The following FBN1 variants were observed in gnomAD, a reference collection of about 807,000 sequenced individuals.
FBN1 encodes the protein fibrillin-1.
In FBN1, 29 loss-of-function variants were observed where a neutral mutation model predicts 365.1. The observed-to-expected ratio is 0.08, with a 90% CI of 0.06 to 0.11. FBN1 has a LOEUF of 0.11. Among genes scored for constraint, FBN1 ranks in the 10% least tolerant of loss-of-function variants. The pLI, the probability that FBN1 is intolerant of heterozygous loss-of-function variation, is 1.00. For missense variants in FBN1, 2,476 were observed against 3,703.2 expected (o/e 0.67, Z 8.60); for synonymous variants, 1,210 against 1,270.5 (o/e 0.95, Z 1.01).
At chr15:48,614,105 A>T (rs374667244) in intron 2 of FBN1, among the ~76,000 whole-genome samples, 2 of 152,196 alleles carry the variant, frequency 1.3e-5, no homozygotes, top group Non-Finnish European at 2.9e-5. Flanking sequence ...TAAGGATCCA[A>T]TGACTTCTAC....
At chr15:48,462,279 T>G (rs548491529) in intron 42 of FBN1, among the ~76,000 whole-genome samples, 18 of 152,298 alleles carry the variant, frequency 1.2e-4, no homozygotes, top group African/African-American at 4.1e-4. Context: ...ATATACATAA[T>G]GCACAGCATA....
intron 52 of FBN1, 49 bp downstream of exon 52, chr15:48,437,273 C>T: frequency 6.6e-7 from 1 of 1,517,774 alleles, no homozygotes; most frequent in South Asian, 1.1e-5. Context: ...AGAGAAGAAG[C>T]AGATTGAGAA....
chr15:48,524,635 T>C (rs977614038), intron 9 of FBN1, among the ~76,000 whole-genome samples: 1 of 151,848 alleles, frequency 6.6e-6, no homozygotes, highest in Non-Finnish European at 1.5e-5. Flanking sequence ...GCATCCAGAG[T>C]TGAGGGGTAG....
chr15:48,604,631 C>T (rs977127671), intron 4 of FBN1, among the ~76,000 whole-genome samples: 7 of 152,284 alleles, frequency 4.6e-5, no homozygotes, highest in Admixed American at 2.0e-4. Flanking sequence ...AAGGTGCTTC[C>T]ATAAAGGGTG....
intron 36 of FBN1, 41 bp from the exon 37 acceptor site, chr15:48,468,575 A>G (rs1284875082): frequency 1.1e-5 from 18 of 1,612,354 alleles, no homozygotes; most frequent in Non-Finnish European, 1.5e-5. Context: ...CACCTGAGCC[A>G]GTGTAGGCAG....
At chr15:48,607,990 C>A (rs2044627361) in intron 4 of FBN1, among the ~76,000 whole-genome samples, 1 of 152,228 alleles carries the variant, frequency 6.6e-6, no homozygotes, top group South Asian at 2.1e-4. Context: ...TCTAGCCAAT[C>A]ATTCTTTTTG....
chr15:48,422,871 G>A (rs2042953851), intron 60 of FBN1, among the ~76,000 whole-genome samples: 1 of 152,036 alleles, frequency 6.6e-6, no homozygotes, highest in South Asian at 2.1e-4. Flanking sequence ...AGGTTGCAGT[G>A]AGCTGAGATC....
At chr15:48,445,184 GTA>G (rs979420871) in intron 48 of FBN1, among the ~76,000 whole-genome samples, 190 bp downstream of exon 48, 2 of 132,312 alleles carry the variant, frequency 1.5e-5, no homozygotes, top group African/African-American at 5.6e-5. Context: ...ATATATATAT[GTA>G]TATATATATA....
intron 2 of FBN1, among the ~76,000 whole-genome samples, chr15:48,623,931 A>C (rs1469049505): frequency 6.7e-6 from 1 of 150,084 alleles, no homozygotes; most frequent in Non-Finnish European, 1.5e-5. Flanking sequence ...CCCAACACAC[A>C]CATTCTCTCT....
At chr15:48,531,457 C>T (rs1372879022) in intron 8 of FBN1, among the ~76,000 whole-genome samples, 1 of 152,140 alleles carries the variant, frequency 6.6e-6, no homozygotes, top group South Asian at 2.1e-4. Context: ...ATGAAAAGTA[C>T]TCAATTCCTT....
chr15:48,561,156 C>T (rs2044219770), intron 6 of FBN1, among the ~76,000 whole-genome samples: 1 of 152,102 alleles, frequency 6.6e-6, no homozygotes, highest in Non-Finnish European at 1.5e-5. Context: ...AGTGCTAAAA[C>T]AAAATGACTT....
At chr15:48,608,665 C>G (rs1401329197) in intron 4 of FBN1, among the ~76,000 whole-genome samples, 1 of 152,182 alleles carries the variant, frequency 6.6e-6, no homozygotes, top group East Asian at 1.9e-4. Context: ...CATCCACAAG[C>G]TACTTGGGGA....
At chr15:48,413,577 T>G (rs2042880520) in intron 64 of FBN1, among the ~76,000 whole-genome samples, 1 of 152,232 alleles carries the variant, frequency 6.6e-6, no homozygotes, top group African/African-American at 2.4e-5. Flanking sequence ...CAGAGGCCAC[T>G]TGGAATGTGT....
chr15:48,556,389 G>T (rs2044180869), intron 6 of FBN1, among the ~76,000 whole-genome samples: 1 of 152,180 alleles, frequency 6.6e-6, no homozygotes, highest in African/African-American at 2.4e-5. Flanking sequence ...GAGCTCGAAA[G>T]CATTCATAAG....
chr15:48,565,005 C>T (rs1319418949), intron 6 of FBN1, among the ~76,000 whole-genome samples: 1 of 152,204 alleles, frequency 6.6e-6, no homozygotes, highest in Non-Finnish European at 1.5e-5. Flanking sequence ...AATCTCAATT[C>T]ATCCTCTTTA....
rs765173237 is a variant in FBN1 at position 48,537,726 on chromosome 15, C to A, written c.621G>T (p.Thr207=). 1.2e-6 allele frequency: 2 copies of A among 1,614,206 alleles called. No homozygotes were observed. Among genetic ancestry groups the A allele is most frequent in the Admixed American group, 1.7e-5 (1 of 60,024 alleles). Residue 207 remains threonine (T), a synonymous_variant, in exon 7 of 66, where the codon ACG becomes ACT. Coordinates refer to ENST00000316623, the MANE Select transcript of FBN1 (RefSeq NM_000138.5). ...GQLSGIVCTK[T]LCCATVGRAW... ...CTCGGCCGACTGTGGCACAGCAGAGCGTTTTTGTGCAGACAATCCCGCTGA... is the reference window on the plus strand; with the variant it reads ...CTCGGCCGACTGTGGCACAGCAGAGAGTTTTTGTGCAGACAATCCCGCTGA...
intron 29 of FBN1, among the ~76,000 whole-genome samples, chr15:48,485,936 G>C (rs368037141): frequency 3.3e-5 from 5 of 152,234 alleles, no homozygotes; most frequent in East Asian, 3.9e-4. Flanking sequence ...TCAAATAAAG[G>C]GGAAAAAGCA....
At chr15:48,420,567 G>C (rs962099364) in intron 63 of FBN1, 120 bp downstream of exon 63, 1 of 1,359,224 alleles carries the variant, frequency 7.4e-7, no homozygotes, top group Non-Finnish European at 1.0e-6. Context: ...CCAGGTTAGG[G>C]CAATTTTAAA....
chr15:48,415,461 AT>A lies in FBN1; in HGVS notation c.8051+74del, dbSNP rs1329897870. On this transcript the variant is annotated intron_variant, in intron 64 of 65. Transcript: ENST00000316623. ...TGGTTCTCCTCTGCTAGGACAGGTA[AT>A]TTTGAGTTCAGTATACTTAATTATA... The A allele has an allele frequency of 9.2e-5, 107 of 1,161,126 alleles. No individual in the cohort carries two copies. The East Asian group carries it at 2.4e-3, about 26-fold the overall frequency. The allele number at this position is 1,161,126 out of a possible 1,614,324, so 71.9% of individuals were successfully genotyped here.
Sources: gnomAD v4.1 joint callset for allele counts (sites outside exome capture counted in the v4.1 genomes callset) on GRCh38, gnomAD v4.1.1 for gene constraint, MANE v1.5 for transcripts, NCBI Gene and HGNC (gene_info 2026-07-23, HGNC 2026-07-21) for gene names.